Variants in LPCAT3 observed in about 807,000 individuals in gnomAD.
The protein encoded by LPCAT3 is lysophospholipid acyltransferase 5.
A neutral mutation model predicts 63.4 loss-of-function variants in LPCAT3; 21 were observed. The observed-to-expected ratio is 0.33, with a 90% CI of 0.23 to 0.48. The LOEUF (loss-of-function observed/expected upper bound fraction) is 0.48, where lower values mean the gene tolerates loss of function less well. LPCAT3 is among the 20% of genes least tolerant of loss of function. The pLI is 0.99. For synonymous variants in LPCAT3, 242 were observed against 227.5 expected, an observed-to-expected ratio of 1.06 and a Z score of -0.58; for missense variants, 451 against 590.6, an observed-to-expected ratio of 0.76 and a Z score of 2.45.
chr12:6,986,127 T>C (rs2138337837), intron 1 of LPCAT3, among the ~76,000 whole-genome samples: 1 of 152,110 alleles, frequency 6.6e-6, no homozygotes, highest in South Asian at 2.1e-4. Context: ...GGCTCTTAAA[T>C]TTATAGCTTC....
At chr12:7,011,647 C>CAAAAAAAAAAAAAAAAAAAAAAAAAA in intron 1 of LPCAT3, among the ~76,000 whole-genome samples, 1 of 75,734 alleles carries the variant, frequency 1.3e-5, no homozygotes, top group Non-Finnish European at 2.7e-5. Flanking sequence ...CACCATGTCT[C>CAAAAAAAAAAAAAAAAAAAAAAAAAA]AAAAAAAAAA....
chr12:6,990,417 G>A (rs1441467186), intron 1 of LPCAT3, among the ~76,000 whole-genome samples: 18 of 148,918 alleles, frequency 1.2e-4, no homozygotes, highest in South Asian at 4.3e-4. Context: ...GCTGAGGCAG[G>A]AGAATGGTGT....
intron 1 of LPCAT3, among the ~76,000 whole-genome samples, chr12:6,999,763 C>T (rs879952707): frequency 5.3e-5 from 8 of 152,196 alleles, no homozygotes; most frequent in Admixed American, 3.3e-4. Context: ...ATAAAAATCA[C>T]ACTTGCCTGT....
chr12:6,978,804 G>A (rs367918058), intron 7 of LPCAT3, 115 bp from the exon 8 acceptor site: 14 of 1,462,058 alleles, frequency 9.6e-6, no homozygotes, highest in East Asian at 7.3e-5. Flanking sequence ...GAGTCCTGCT[G>A]CCAGATGCCC....
At chr12:6,986,795 C>CA (rs1157395768) in intron 1 of LPCAT3, among the ~76,000 whole-genome samples, 3,621 of 32,852 alleles carry the variant, frequency 0.11, 214 homozygotes, top group East Asian at 0.19. Context: ...GACTCTGTCT[C>CA]AAAAAAAAAA....
rs931006707 is a variant in LPCAT3 at position 7,017,285 on chromosome 12, T to C, written c.151+989A>G. Among the ~76,000 whole-genome samples the C allele has an allele frequency of 6.6e-6, 1 of 152,244 alleles. No homozygotes were observed. Among genetic ancestry groups the C allele is most frequent in the African/African-American group, 2.4e-5 (1 of 41,472 alleles). On this transcript the variant is annotated intron_variant, in intron 1 of 12. Coordinates refer to ENST00000261407, the MANE Select transcript of LPCAT3 (RefSeq NM_005768.6). The surrounding 1 kb of genome is among the most constrained non-coding windows in gnomAD (Gnocchi z 4.1). ...ACTGCTTAAATTTTATGTATATATA[T>C]GTACAGGTACTTCCCAATCTTGGCC...
intron 1 of LPCAT3, among the ~76,000 whole-genome samples, chr12:7,008,951 T>C (rs1419162708): frequency 6.6e-6 from 1 of 152,244 alleles, no homozygotes; most frequent in African/African-American, 2.4e-5. Context: ...CAGAACTGAA[T>C]GTGACTTTAA....
intron 1 of LPCAT3, among the ~76,000 whole-genome samples, chr12:6,994,166 A>T (rs782669120): frequency 6.6e-6 from 1 of 152,136 alleles, no homozygotes; most frequent in African/African-American, 2.4e-5. Flanking sequence ...TATGTTTTCA[A>T]TTCTCTTGGG....
chr12:6,984,170 A>G (rs1946499987), intron 1 of LPCAT3, among the ~76,000 whole-genome samples: 2 of 152,360 alleles, frequency 1.3e-5, no homozygotes, highest in South Asian at 4.1e-4. Context: ...TACTCCTCAC[A>G]GTCTGTAATC....
intron 1 of LPCAT3, among the ~76,000 whole-genome samples, chr12:7,003,217 T>G (rs899568969): frequency 6.6e-6 from 1 of 152,120 alleles, no homozygotes. Flanking sequence ...ATTTGGTTAT[T>G]AAAATGAGAC....
intron 3 of LPCAT3, 114 bp downstream of exon 3, chr12:6,982,562 G>T: frequency 1.4e-6 from 1 of 737,622 alleles, no homozygotes. Flanking sequence ...GCTAAGTGCT[G>T]GGAGAGGGGT....
intron 1 of LPCAT3, among the ~76,000 whole-genome samples, chr12:6,992,117 A>G (rs1337319244): frequency 6.6e-6 from 1 of 152,086 alleles, no homozygotes; most frequent in Non-Finnish European, 1.5e-5. Flanking sequence ...TACAATTAAC[A>G]ATATTTAGCC....
intron 1 of LPCAT3, among the ~76,000 whole-genome samples, chr12:6,994,497 C>T (rs781939666): frequency 4.0e-5 from 6 of 151,840 alleles, no homozygotes; most frequent in Non-Finnish European, 5.9e-5. Flanking sequence ...CGTGAGCCAC[C>T]GGGCTGTTGC....
At position 7,014,848 on chromosome 12, in the gene LPCAT3, G is replaced by A. The variant is rs747889422; in HGVS notation, c.151+3426C>T. On this transcript the variant is annotated intron_variant, in intron 1 of 12. Coordinates refer to ENST00000261407, the MANE Select transcript of LPCAT3 (RefSeq NM_005768.6). ...GCGGAGGTTGCAATGAGCCGACATC[G>A]AGCCACTGCACTCCAGTGTGGGTGA... Among the ~76,000 whole-genome samples, 375 of 142,386 alleles carry A rather than the reference G, an allele frequency of 2.6e-3. 1 individual carries two copies. The highest frequency in any genetic ancestry group is 4.3e-3 in the Non-Finnish European group (288 of 66,626). The allele number at this position is 142,386 out of a possible 152,430, so 93.4% of individuals were successfully genotyped here.
chr12:7,002,479 G>C (rs762273245), intron 1 of LPCAT3, among the ~76,000 whole-genome samples: 19 of 152,092 alleles, frequency 1.2e-4, no homozygotes, highest in Non-Finnish European at 2.5e-4. Context: ...CTTATCATGA[G>C]TAATTTCTCT....
chr12:7,004,785 C>G (rs1946715061), intron 1 of LPCAT3, among the ~76,000 whole-genome samples: 1 of 152,162 alleles, frequency 6.6e-6, no homozygotes, highest in African/African-American at 2.4e-5. Context: ...ACATGCCACC[C>G]CTGCTCAAAA....
intron 1 of LPCAT3, among the ~76,000 whole-genome samples, chr12:6,985,391 G>A (rs143930779): frequency 5.9e-5 from 9 of 151,704 alleles, no homozygotes; most frequent in South Asian, 2.1e-4. Flanking sequence ...GCGAGATTCC[G>A]TCTCAAAAAA....
Position 6,978,521 on chromosome 12 carries a change from G to A in LPCAT3, c.874-14C>T, listed in dbSNP as rs782334187. ...GCATACTCCTTCCTGAGAGGGAATA[G>A]CTCAGTTAGGGCTCTTGCCACTCCC... is the stretch of plus-strand genomic sequence containing the variant. On this transcript the variant is annotated splice_polypyrimidine_tract_variant and intron_variant, in intron 8 of 12. Transcript: ENST00000261407. 8 of 1,611,970 alleles carry A rather than the reference G, an allele frequency of 5.0e-6. No individual in the cohort carries two copies. Among genetic ancestry groups the A allele is most frequent in the Middle Eastern group, 1.7e-4 (1 of 6,054 alleles).
chr12:7,003,420 C>T (rs1039231327), intron 1 of LPCAT3, among the ~76,000 whole-genome samples: 18 of 151,042 alleles, frequency 1.2e-4, no homozygotes, highest in African/African-American at 4.1e-4. Context: ...TTTCATGTCT[C>T]ACTGAACTGA....
Sources: allele counts gnomAD v4.1 joint callset (sites outside exome capture counted in the v4.1 genomes callset), GRCh38; gene constraint gnomAD v4.1.1; non-coding constraint Gnocchi (gnomAD v3.1); transcripts MANE v1.5; gene names NCBI Gene and HGNC (gene_info 2026-07-23, HGNC 2026-07-21).